Variants in EPHA5 observed in about 807,000 individuals in gnomAD.
The protein encoded by EPHA5 is EPH receptor A5.
A neutral mutation model predicts 105.0 loss-of-function variants in EPHA5; 60 were observed. That is an observed-to-expected ratio of 0.57 (90% CI 0.46 to 0.71). The LOEUF (loss-of-function observed/expected upper bound fraction) is 0.71. Ranked by LOEUF, EPHA5 falls within the 30% of genes least tolerant of loss-of-function variation. EPHA5 has a pLI of 0.00. For synonymous variants in EPHA5, 513 were observed against 449.1 expected (o/e 1.14, Z -1.80); for missense variants, 1,218 against 1,274.7 (o/e 0.96, Z 0.68).
At chr4:65,601,611 G>A (rs1487397514) in intron 3 of EPHA5, 30 bp downstream of exon 3, 1 of 1,597,042 alleles carries the variant, frequency 6.3e-7, no homozygotes, top group East Asian at 2.2e-5. Flanking sequence ...GAAGCAGACA[G>A]CCCCTGCAGA....
intron 2 of EPHA5, among the ~76,000 whole-genome samples, chr4:65,633,529 G>A (rs1022808575): frequency 7.9e-5 from 12 of 151,630 alleles, no homozygotes; most frequent in African/African-American, 1.9e-4. Context: ...ACTCACATAC[G>A]GAAACTGGTG....
chr4:65,465,636 C>T (rs2149143729), intron 5 of EPHA5, among the ~76,000 whole-genome samples: 2 of 152,116 alleles, frequency 1.3e-5, no homozygotes, highest in South Asian at 4.2e-4. Flanking sequence ...GCTCACCAAA[C>T]AAAAAGCGGA....
intron 3 of EPHA5, among the ~76,000 whole-genome samples, chr4:65,500,153 C>T (rs917587666): frequency 6.6e-6 from 1 of 151,028 alleles, no homozygotes; most frequent in Non-Finnish European, 1.5e-5. Context: ...AATACCAATC[C>T]AAAATGGTTT....
intron 3 of EPHA5, among the ~76,000 whole-genome samples, chr4:65,538,801 G>A (rs1736541979): frequency 6.6e-6 from 1 of 151,618 alleles, no homozygotes; most frequent in Non-Finnish European, 1.5e-5. Context: ...TAACTTCACA[G>A]ATATCTCCAT....
chr4:65,394,803 T>A (rs1721056514), intron 8 of EPHA5, among the ~76,000 whole-genome samples: 1 of 152,220 alleles, frequency 6.6e-6, no homozygotes, highest in South Asian at 2.1e-4. Context: ...TTTAGAACAT[T>A]GCCTAGTAGG....
chr4:65,512,924 G>GA (rs57064190), intron 3 of EPHA5, among the ~76,000 whole-genome samples: 6,083 of 146,358 alleles, frequency 0.042, 187 homozygotes, highest in African/African-American at 0.083. Context: ...GCAAAATCTG[G>GA]AAAAAAAAAA....
chr4:65,568,727 C>A (rs1490802113), intron 3 of EPHA5, among the ~76,000 whole-genome samples: 1 of 150,826 alleles, frequency 6.6e-6, no homozygotes, highest in African/African-American at 2.4e-5. Flanking sequence ...ATAGTTTATA[C>A]ACTTTTTCAA....
Position 65,555,408 on chromosome 4 carries a change from CTA to C in EPHA5, c.910+46231_910+46232del, listed in dbSNP as rs574271365. On this transcript the variant is annotated intron_variant, in intron 3 of 16. Transcript: ENST00000613740. ...TACAAGAAAATGCCCACCTATCTGA[CTA>C]TGAGTATCAGATCAAAACAAAAACT... Among the ~76,000 whole-genome samples, 795 of 152,122 alleles carry C rather than the reference CTA, an allele frequency of 5.2e-3. 2 individuals are homozygous for C. The highest frequency in any genetic ancestry group is 0.01 in the Middle Eastern group (3 of 294).
chr4:65,627,431 C>T (rs916587522), intron 2 of EPHA5, among the ~76,000 whole-genome samples: 1 of 151,960 alleles, frequency 6.6e-6, no homozygotes, highest in Non-Finnish European at 1.5e-5. Flanking sequence ...AGTATAGAAC[C>T]CTTTTGGCTT....
chr4:65,447,230 A>G (rs1437283717), intron 5 of EPHA5, among the ~76,000 whole-genome samples: 1 of 151,892 alleles, frequency 6.6e-6, no homozygotes, highest in East Asian at 1.9e-4. Context: ...TGTAAATAAA[A>G]CAGTTAGAAT....
chr4:65,634,976 G>A (rs765460490), intron 2 of EPHA5, among the ~76,000 whole-genome samples: 3 of 151,510 alleles, frequency 2.0e-5, no homozygotes, highest in African/African-American at 7.3e-5. Flanking sequence ...CACAAAACAC[G>A]CACACAAACA....
intron 3 of EPHA5, among the ~76,000 whole-genome samples, chr4:65,503,822 C>T (rs964366779): frequency 5.9e-5 from 9 of 151,560 alleles, no homozygotes; most frequent in African/African-American, 2.2e-4. Context: ...TTTAGAAACA[C>T]ACTAATTGCT....
chr4:65,377,375 GC>G (rs1344901129), intron 8 of EPHA5, among the ~76,000 whole-genome samples: 1 of 151,920 alleles, frequency 6.6e-6, no homozygotes, highest in Non-Finnish European at 1.5e-5. Flanking sequence ...AAAGATGTAA[GC>G]CCATTCTAAT....
rs1428646012 is a variant in EPHA5, at chr4:65,356,487, G to GA, written c.2174-3385dup. 5.3e-5 allele frequency among the ~76,000 whole-genome samples: 8 copies of GA among 151,444 alleles called. No homozygotes were observed. The South Asian group carries it at 1.7e-3, about 31-fold the overall frequency. On this transcript the variant is annotated intron_variant, in intron 11 of 16. Transcript: ENST00000613740. ...TAACACTGAATAGTATATATTTGGGGAAAAAAAGGGAGATGGGCACCTGGT... is the reference window on the plus strand; with the variant it reads ...TAACACTGAATAGTATATATTTGGGGAAAAAAAAGGGAGATGGGCACCTGGT...
intron 14 of EPHA5, 143 bp from the exon 15 acceptor site, chr4:65,336,268 C>T (rs188212572): frequency 4.2e-6 from 2 of 480,762 alleles, no homozygotes; most frequent in East Asian, 3.5e-5. Context: ...TTAAAATCCA[C>T]GGCTATTTCC....
intron 3 of EPHA5, among the ~76,000 whole-genome samples, 176 bp downstream of exon 3, chr4:65,601,465 C>A (rs548899032): frequency 6.6e-6 from 1 of 152,140 alleles, no homozygotes; most frequent in African/African-American, 2.4e-5. Flanking sequence ...TACATTAAAT[C>A]TTTCACGGTT....
At chr4:65,440,582 C>T (rs565733219) in intron 5 of EPHA5, among the ~76,000 whole-genome samples, 101 of 150,142 alleles carry the variant, frequency 6.7e-4, no homozygotes, top group Middle Eastern at 3.4e-3. Flanking sequence ...AAGTTATTTT[C>T]GATTACTTCA....
At chr4:65,401,869 T>A (rs1285488902) in intron 8 of EPHA5, among the ~76,000 whole-genome samples, 1 of 150,660 alleles carries the variant, frequency 6.6e-6, no homozygotes, top group East Asian at 2.0e-4. Flanking sequence ...GAACAGCAAT[T>A]TCAGGTATAT....
rs545841295 is a variant in EPHA5 at position 65,320,368 on chromosome 4, G to A, written c.*3746C>T. On this transcript the variant is annotated 3_prime_UTR_variant, in exon 17 of 17. Transcript: ENST00000613740. ...TCATCATCAGGATCATCATCATATT[G>A]TACCTACTTTTTGCTTAATTTGAAG... 9.1e-5 allele frequency: 21 copies of A among 229,982 alleles called. 1 individual carries two copies. The highest frequency in any genetic ancestry group is 8.6e-4 in the East Asian group (14 of 16,266). The allele number at this position is 229,982 out of a possible 1,614,324, so 14.2% of individuals were successfully genotyped here. A position where few individuals can be genotyped will look rare whatever the true frequency, so the allele number is the denominator to read the frequency against.
Sources: gnomAD v4.1 joint callset for allele counts (sites outside exome capture counted in the v4.1 genomes callset) on GRCh38, gnomAD v4.1.1 for gene constraint, MANE v1.5 for transcripts, NCBI Gene and HGNC (gene_info 2026-07-23, HGNC 2026-07-21) for gene names.